FBLN2: variants seen among roughly 807,000 people sequenced by gnomAD.
FBLN2 encodes fibulin-2.
In FBLN2, 81 loss-of-function variants were observed where a neutral mutation model predicts 123.7. That is an observed-to-expected ratio of 0.65 (90% confidence interval 0.55 to 0.79). The LOEUF (loss-of-function observed/expected upper bound fraction) is 0.79, where lower values mean the gene tolerates loss of function less well. Among genes scored for constraint, FBLN2 ranks in the 30% least tolerant of loss-of-function variants. The probability of loss-of-function intolerance (pLI) is 0.00; values close to 1 mark genes in which losing one functional copy is unlikely to be tolerated. For missense variants in FBLN2, 1,603 were observed against 1,681.3 expected (o/e 0.95, Z 0.81); for synonymous variants, 699 against 701.4 (o/e 1.00, Z 0.05).
intron 16 of FBLN2, among the ~76,000 whole-genome samples, chr3:13,635,318 CAA>C (rs1052528468): frequency 1.7e-4 from 26 of 152,024 alleles, no homozygotes; most frequent in African/African-American, 5.6e-4. Flanking sequence ...AGCTCATCCT[CAA>C]AGTTTCTCAA....
intron 16 of FBLN2, 100 bp downstream of exon 16, chr3:13,631,557 C>T (rs1706259808): frequency 7.3e-7 from 1 of 1,366,322 alleles, no homozygotes; most frequent in African/African-American, 1.5e-5. Flanking sequence ...ACTTGGAGCC[C>T]CCACACCCAG....
At chr3:13,599,625 G>A (rs1161121359) in intron 2 of FBLN2, among the ~76,000 whole-genome samples, 1 of 152,072 alleles carries the variant, frequency 6.6e-6, no homozygotes, top group Non-Finnish European at 1.5e-5. Flanking sequence ...GGCAGGAGGG[G>A]GTGGTGGAGG....
intron 2 of FBLN2, among the ~76,000 whole-genome samples, chr3:13,583,092 G>A (rs965865733): frequency 2.0e-5 from 3 of 152,260 alleles, no homozygotes; most frequent in African/African-American, 7.2e-5. Flanking sequence ...AAACGCGCGA[G>A]CTGCGAGACC....
intron 1 of FBLN2, chr3:13,568,818 T>C (rs753221196): frequency 2.2e-4 from 220 of 985,506 alleles, no homozygotes; most frequent in Non-Finnish European, 2.4e-4. Flanking sequence ...TTGGGTTTAT[T>C]ATCTGCCCCT....
intron 9 of FBLN2, among the ~76,000 whole-genome samples, chr3:13,624,097 C>T (rs1166501411): frequency 6.6e-6 from 1 of 152,214 alleles, no homozygotes; most frequent in Non-Finnish European, 1.5e-5. Flanking sequence ...AGGCAGCCCC[C>T]CAGCTCTGAG....
chr3:13,594,512 C>G (rs967900446), intron 2 of FBLN2, among the ~76,000 whole-genome samples: 1 of 152,162 alleles, frequency 6.6e-6, no homozygotes, highest in Non-Finnish European at 1.5e-5. Flanking sequence ...TGGGGATAAC[C>G]TCACAAAATA....
rs771607968 is a variant in FBLN2, at chr3:13,570,459, G to A, written c.104G>A (p.Gly35Asp). 6.4e-7 allele frequency: 1 copy of A among 1,572,966 alleles called. No homozygotes were observed. The highest frequency in any genetic ancestry group is 8.6e-7 in the Non-Finnish European group (1 of 1,160,508). ...GCTGCCCCTCGGCAGGACTGCACGGGCGTGGAGTGCCCGCCGCTGGAGAAC... is the reference window on the plus strand; with the variant it reads ...GCTGCCCCTCGGCAGGACTGCACGGACGTGGAGTGCCCGCCGCTGGAGAAC... The part of the protein sequence containing the change: ...AAAAPRQDCT[G>D]VECPPLENCI... The change falls in exon 2 of 18, where the codon GGC becomes GAC. Residue 35 changes from glycine (G) to aspartate (D), a missense_variant. By Grantham distance (94) the Gly-to-Asp change is moderately conservative. Coordinates refer to ENST00000404922, the MANE Select transcript of FBLN2 (RefSeq NM_001004019.2).
intron 17 of FBLN2, 96 bp from the exon 18 acceptor site, chr3:13,637,466 C>G: frequency 8.7e-7 from 1 of 1,148,704 alleles, no homozygotes; most frequent in Non-Finnish European, 1.2e-6. Flanking sequence ...AGAGAGCTGG[C>G]CCTTGATCCT....
intron 5 of FBLN2, 26 bp from the exon 6 acceptor site, chr3:13,618,050 G>C: frequency 6.2e-7 from 1 of 1,610,348 alleles, no homozygotes; most frequent in Non-Finnish European, 8.5e-7. Context: ...AGCTGGCTCT[G>C]TCTTGAGCTC....
At chr3:13,600,241 C>G (rs1028901692) in intron 2 of FBLN2, among the ~76,000 whole-genome samples, 1 of 152,092 alleles carries the variant, frequency 6.6e-6, no homozygotes, top group African/African-American at 2.4e-5. Flanking sequence ...CTTTGCCTGG[C>G]TCTGCCTCCC....
rs1703919714 is a variant in FBLN2 at position 13,570,903 on chromosome 3, A to G, written c.548A>G (p.Asp183Gly). ...QLPGCHGNFS[D>G]AEEGDPERHY... ...CCCGGTTGCCACGGGAACTTCTCAG[A>G]TGCCGAGGAGGGTGACCCCGAGCGA... The change falls in exon 2 of 18, where the codon GAT becomes GGT. Residue 183 changes from aspartate to glycine, a missense_variant. Physicochemically the swap from Asp to Gly is moderately conservative, Grantham distance 94. Transcript: ENST00000404922. 6.2e-6 allele frequency: 10 copies of G among 1,612,782 alleles called. No individual in the cohort carries two copies. The East Asian group carries it at 1.8e-4, about 29-fold the overall frequency.
At chr3:13,556,940 A>C (rs1011589556) in intron 1 of FBLN2, among the ~76,000 whole-genome samples, 3 of 152,108 alleles carry the variant, frequency 2.0e-5, no homozygotes, top group Non-Finnish European at 4.4e-5. Context: ...GGACTCCCTC[A>C]CGCCCCATCT....
At chr3:13,613,499 A>G (rs1325287178) in intron 4 of FBLN2, among the ~76,000 whole-genome samples, 13 of 152,204 alleles carry the variant, frequency 8.5e-5, no homozygotes, top group Non-Finnish European at 1.9e-4. Flanking sequence ...CTTCAGGGTC[A>G]CTTCATGGCC....
chr3:13,573,881 CAA>C (rs1704044865), intron 2 of FBLN2, among the ~76,000 whole-genome samples: 1 of 94,412 alleles, frequency 1.1e-5, no homozygotes, highest in Non-Finnish European at 1.9e-5. Flanking sequence ...GCCTGGGCGA[CAA>C]GAGTGAAACT....
chr3:13,579,752 G>A (rs1228367191), intron 2 of FBLN2, among the ~76,000 whole-genome samples: 1 of 152,214 alleles, frequency 6.6e-6, no homozygotes, highest in African/African-American at 2.4e-5. Flanking sequence ...ATGCTGCTGT[G>A]AGCATCTCTA....
intron 5 of FBLN2, among the ~76,000 whole-genome samples, chr3:13,617,370 T>TCATCCACC (rs1427511202): frequency 1.3e-5 from 2 of 148,544 alleles, no homozygotes; most frequent in African/African-American, 5.0e-5. Flanking sequence ...TTCCATTCAC[T>TCATCCACC]CATCCACCCA....
At chr3:13,572,001 C>A (rs1703979643) in intron 2 of FBLN2, among the ~76,000 whole-genome samples, 1 of 152,220 alleles carries the variant, frequency 6.6e-6, no homozygotes, top group Non-Finnish European at 1.5e-5. Context: ...CCGGTAGGCC[C>A]CCACGTGTCC....
intron 1 of FBLN2, among the ~76,000 whole-genome samples, chr3:13,556,359 A>AGAGG (rs1173662857): frequency 3.7e-5 from 5 of 136,564 alleles, no homozygotes; most frequent in Admixed American, 1.5e-4. Context: ...AGAAGGGAAG[A>AGAGG]GAGGGAGGGA....
chr3:13,628,994 C>T lies in FBLN2; in HGVS notation c.2659C>T (p.Pro887Ser), dbSNP rs1432592623. ...GGGCTCCTACACATGCCAGAGGAAC[C>T]CGCTGATCTGCGCGCGCGGCTACCA... ...TVGSYTCQRN[P>S]LICARGYHAS... is the part of the protein sequence containing the mutation. The change falls in exon 12 of 18, where the codon CCG (proline) becomes TCG (serine). Residue 887 changes from proline to serine, a missense_variant. Pro to Ser is a moderately conservative substitution (Grantham distance 74). Transcript: ENST00000404922. 1.2e-6 allele frequency: 2 copies of T among 1,613,560 alleles called. No individual in the cohort carries two copies. Among genetic ancestry groups the T allele is most frequent in the Admixed American group, 1.7e-5 (1 of 59,982 alleles).
Sources: gnomAD v4.1 joint callset for allele counts (sites outside exome capture counted in the v4.1 genomes callset) on GRCh38, gnomAD v4.1.1 for gene constraint, MANE v1.5 for transcripts, NCBI Gene and HGNC (gene_info 2026-07-23, HGNC 2026-07-21) for gene names.